The following PDE7A variants were observed in gnomAD, a reference collection of about 807,000 sequenced individuals.
PDE7A encodes the protein high affinity 3',5'-cyclic-AMP phosphodiesterase 7A.
Under a neutral mutation model 64.3 loss-of-function variants are expected in PDE7A, and 39 were observed. The ratio of observed to expected loss-of-function variants is 0.61; its 90% CI spans 0.47 to 0.79. The LOEUF is 0.79. Ranked by LOEUF, PDE7A falls within the 30% of genes least tolerant of loss-of-function variation. The pLI is 0.00. For synonymous variants in PDE7A, 203 were observed against 206.8 expected (o/e 0.98, Z 0.16); for missense variants, 470 against 582.8 (o/e 0.81, Z 1.99).
intron 1 of PDE7A, chr8:65,788,755 A>T (rs1234778744): frequency 5.1e-6 from 3 of 584,694 alleles, no homozygotes; most frequent in Non-Finnish European, 6.0e-6. Flanking sequence ...GACAGATGAA[A>T]CTCACAGCTC....
chr8:65,724,687 T>C (rs1806536384), intron 10 of PDE7A, 90 bp downstream of exon 10: 6 of 1,140,638 alleles, frequency 5.3e-6, no homozygotes, highest in Non-Finnish European at 6.3e-6. Flanking sequence ...GATTTAACCA[T>C]TCTGAAAAAC....
At chr8:65,761,806 C>T (rs913506519) in intron 3 of PDE7A, among the ~76,000 whole-genome samples, 3 of 152,182 alleles carry the variant, frequency 2.0e-5, no homozygotes, top group Non-Finnish European at 4.4e-5. Flanking sequence ...CTTTCCCCTC[C>T]TCATATTAGA....
intron 5 of PDE7A, among the ~76,000 whole-genome samples, 168 bp downstream of exon 5, chr8:65,745,239 A>AT (rs1807620835): frequency 6.6e-6 from 1 of 152,162 alleles, no homozygotes; most frequent in Non-Finnish European, 1.5e-5. Context: ...TCAATTACCC[A>AT]GTCTCGGGTA....
At chr8:65,812,637 A>C (rs1810283486) in intron 1 of PDE7A, among the ~76,000 whole-genome samples, 1 of 152,234 alleles carries the variant, frequency 6.6e-6, no homozygotes, top group Admixed American at 6.5e-5. Context: ...AAGACAAGAC[A>C]TTAGATAAAA....
intron 9 of PDE7A, 86 bp from the exon 10 acceptor site, chr8:65,725,007 G>A: frequency 1.3e-6 from 1 of 773,904 alleles, no homozygotes; most frequent in South Asian, 2.9e-5. Context: ...ATAATCGGAA[G>A]GCTTTATAGA....
At chr8:65,784,749 T>C (rs1742246474) in intron 1 of PDE7A, among the ~76,000 whole-genome samples, 1 of 151,906 alleles carries the variant, frequency 6.6e-6, no homozygotes, top group African/African-American at 2.4e-5. Flanking sequence ...ATTTTAACTG[T>C]CTTACAAATC....
chr8:65,827,172 G>C (rs1810698825), intron 1 of PDE7A, among the ~76,000 whole-genome samples: 1 of 152,174 alleles, frequency 6.6e-6, no homozygotes. Context: ...GCCTTACCAA[G>C]TGGTAACCTT....
chr8:65,740,670 GATT>G (rs1430837134), intron 5 of PDE7A, among the ~76,000 whole-genome samples: 2 of 152,288 alleles, frequency 1.3e-5, no homozygotes, highest in South Asian at 4.1e-4. Flanking sequence ...AAAGTGCTGG[GATT>G]TACAGGCGTG....
intron 3 of PDE7A, among the ~76,000 whole-genome samples, chr8:65,764,274 A>C (rs541390202): frequency 6.6e-6 from 1 of 152,348 alleles, no homozygotes; most frequent in African/African-American, 2.4e-5. Context: ...TATGACTTCA[A>C]GAGAAATGAA....
intron 3 of PDE7A, among the ~76,000 whole-genome samples, chr8:65,753,721 T>C (rs1169992806): frequency 1.3e-5 from 2 of 152,194 alleles, no homozygotes; most frequent in Non-Finnish European, 2.9e-5. Context: ...AAGTGGGGTA[T>C]TCAAGTCTTC....
At chr8:65,727,410 C>A (rs1315498875) in intron 7 of PDE7A, 109 bp from the exon 8 acceptor site, 2 of 1,470,960 alleles carry the variant, frequency 1.4e-6, no homozygotes, top group Non-Finnish European at 1.8e-6. Flanking sequence ...AATCTCCTCC[C>A]CCTTCACGTC....
chr8:65,807,099 A>G (rs971873984), intron 1 of PDE7A, among the ~76,000 whole-genome samples: 10 of 152,258 alleles, frequency 6.6e-5, no homozygotes, highest in Non-Finnish European at 1.2e-4. Context: ...GAAAGGGACT[A>G]TACTGAATCT....
intron 2 of PDE7A, among the ~76,000 whole-genome samples, chr8:65,781,160 T>C (rs932862126): frequency 1.2e-4 from 18 of 152,054 alleles, no homozygotes; most frequent in African/African-American, 4.1e-4. Context: ...GACTCATTAG[T>C]GCAGTCAGAG....
At chr8:65,810,041 T>C (rs1206591740) in intron 1 of PDE7A, among the ~76,000 whole-genome samples, 8 of 152,186 alleles carry the variant, frequency 5.3e-5, no homozygotes, top group Admixed American at 1.3e-4. Flanking sequence ...TAAAGACACA[T>C]GCACACATAT....
At chr8:65,729,880 G>T (rs1806777783) in intron 7 of PDE7A, among the ~76,000 whole-genome samples, 2 of 152,000 alleles carry the variant, frequency 1.3e-5, no homozygotes, top group African/African-American at 4.8e-5. Context: ...AGTGAAGACA[G>T]ATTCTTGACA....
chr8:65,809,589 T>C (rs1342200403), intron 1 of PDE7A, among the ~76,000 whole-genome samples: 2 of 152,206 alleles, frequency 1.3e-5, no homozygotes, highest in Admixed American at 1.3e-4. Context: ...GAGAAAATTT[T>C]TGCAATCTAC....
intron 7 of PDE7A, among the ~76,000 whole-genome samples, chr8:65,729,364 CTTTTT>C (rs10540107): frequency 2.9e-4 from 23 of 80,078 alleles, no homozygotes; most frequent in South Asian, 5.3e-4. Context: ...TTGGTGGTAG[CTTTTT>C]TTTTTTTTTT....
At chr8:65,815,888 T>C (rs1810388913) in intron 1 of PDE7A, among the ~76,000 whole-genome samples, 1 of 152,196 alleles carries the variant, frequency 6.6e-6, no homozygotes, top group Admixed American at 6.5e-5. Context: ...TACATCTTAG[T>C]GGGGCCAGAT....
At chr8:65,730,315 GT>G (rs1806825128) in intron 7 of PDE7A, among the ~76,000 whole-genome samples, 2 of 150,770 alleles carry the variant, frequency 1.3e-5, no homozygotes, top group Admixed American at 1.3e-4. Context: ...CAAGTAGCTG[GT>G]ATTACAGGCA....
Sources: allele counts gnomAD v4.1 joint callset (sites outside exome capture counted in the v4.1 genomes callset), GRCh38; gene constraint gnomAD v4.1.1; transcripts MANE v1.5; gene names NCBI Gene and HGNC (gene_info 2026-07-23, HGNC 2026-07-21).